BCL2: variants seen among roughly 807,000 people sequenced by gnomAD.
BCL2 encodes the protein apoptosis regulator Bcl-2.
A neutral mutation model predicts 14.2 loss-of-function variants in BCL2; 1 was observed. The observed-to-expected ratio is 0.07, with a 90% CI of 0.02 to 0.33. The LOEUF (loss-of-function observed/expected upper bound fraction) is 0.33, where lower values mean the gene tolerates loss of function less well. BCL2 is among the 10% of genes least tolerant of loss of function. The pLI is 0.99. For missense variants in BCL2, 247 were observed against 305.9 expected (o/e 0.81, Z 1.44); for synonymous variants, 151 against 137.2 (o/e 1.10, Z -0.70).
chr18:63,131,565 G>A (rs769958429), intron 2 of BCL2, among the ~76,000 whole-genome samples: 2 of 152,166 alleles, frequency 1.3e-5, no homozygotes, highest in African/African-American at 2.4e-5. Flanking sequence ...TCACAGACAC[G>A]GCTGCAAATG....
At chr18:63,299,979 T>C (rs1912914108) in intron 2 of BCL2, among the ~76,000 whole-genome samples, 1 of 152,032 alleles carries the variant, frequency 6.6e-6, no homozygotes, top group Non-Finnish European at 1.5e-5. Flanking sequence ...AGGCCAGAGA[T>C]CATGTCCAGA....
intron 2 of BCL2, among the ~76,000 whole-genome samples, chr18:63,221,551 CT>C (rs1910391866): frequency 6.6e-6 from 1 of 152,222 alleles, no homozygotes; most frequent in East Asian, 1.9e-4. Flanking sequence ...AAGTTTCAGA[CT>C]CTCGCAAATG....
intron 2 of BCL2, among the ~76,000 whole-genome samples, chr18:63,266,635 T>TCACACACACA (rs1291334380): frequency 7.3e-6 from 1 of 136,570 alleles, no homozygotes; most frequent in African/African-American, 2.7e-5. Flanking sequence ...TCTCTCTCTC[T>TCACACACACA]CTCACACACA....
At chr18:63,193,659 C>CAT (rs1199937260) in intron 2 of BCL2, among the ~76,000 whole-genome samples, 1 of 150,978 alleles carries the variant, frequency 6.6e-6, no homozygotes, top group South Asian at 2.1e-4. Flanking sequence ...TATACACATA[C>CAT]ATATATATAC....
chr18:63,214,299 G>A (rs767525005), intron 2 of BCL2, among the ~76,000 whole-genome samples: 1 of 152,194 alleles, frequency 6.6e-6, no homozygotes, highest in Non-Finnish European at 1.5e-5. Flanking sequence ...ATTGGACTGT[G>A]CCACCATCTC....
At chr18:63,143,604 A>AGAAGG (rs1475436368) in intron 2 of BCL2, among the ~76,000 whole-genome samples, 3 of 152,266 alleles carry the variant, frequency 2.0e-5, no homozygotes, top group Non-Finnish European at 4.4e-5. Context: ...CCCTGCCTGC[A>AGAAGG]GAAGGGATGC....
chr18:63,198,724 G>GAC (rs1304897747), intron 2 of BCL2, among the ~76,000 whole-genome samples: 2 of 94,438 alleles, frequency 2.1e-5, no homozygotes, highest in East Asian at 3.3e-4. Context: ...CACACACACA[G>GAC]ACACACACAG....
intron 2 of BCL2, among the ~76,000 whole-genome samples, chr18:63,271,814 A>G (rs913639680): frequency 2.6e-5 from 4 of 152,226 alleles, no homozygotes; most frequent in Non-Finnish European, 5.9e-5. Context: ...CTGGAGGTTT[A>G]TGCTTTAACA....
chr18:63,219,901 C>T (rs527558335), intron 2 of BCL2, among the ~76,000 whole-genome samples: 8 of 152,300 alleles, frequency 5.3e-5, no homozygotes, highest in East Asian at 3.9e-4. Flanking sequence ...AATATACTAG[C>T]GGTAAAATCC....
At chr18:63,236,171 G>T (rs1188726187) in intron 2 of BCL2, among the ~76,000 whole-genome samples, 1 of 152,152 alleles carries the variant, frequency 6.6e-6, no homozygotes, top group Non-Finnish European at 1.5e-5. Flanking sequence ...ACGTGCCTTT[G>T]CTCCTCCTTC....
chr18:63,139,139 A>G (rs4987831), intron 2 of BCL2, among the ~76,000 whole-genome samples: 80,479 of 151,938 alleles, frequency 0.53, 21,455 homozygotes, highest in East Asian at 0.63. Context: ...GAAGCACAGA[A>G]CCAAGTTCCC....
chr18:63,141,069 C>A (rs1322844442), intron 2 of BCL2, among the ~76,000 whole-genome samples: 2 of 152,004 alleles, frequency 1.3e-5, no homozygotes, highest in South Asian at 4.1e-4. Context: ...GAGCAGCAAT[C>A]GGGGCACTCC....
At chr18:63,154,041 A>G (rs1914714901) in intron 2 of BCL2, among the ~76,000 whole-genome samples, 1 of 152,208 alleles carries the variant, frequency 6.6e-6, no homozygotes, top group Non-Finnish European at 1.5e-5. Flanking sequence ...ACAGATCTGC[A>G]TATCCATCAG....
intron 2 of BCL2, among the ~76,000 whole-genome samples, chr18:63,275,817 G>A (rs1599284947): frequency 1.3e-5 from 2 of 152,226 alleles, no homozygotes; most frequent in African/African-American, 4.8e-5. Flanking sequence ...ACGTGGTGGA[G>A]GGGGTTACCT....
chr18:63,124,470 A>G lies in BCL2; in HGVS notation c.*4155T>C. ...CTTCAAAATGTTTCTCATTTGTCAC[A>G]CAAGGTTCTTCGCAGAGGCATCACA... On this transcript the variant is annotated 3_prime_UTR_variant, in exon 3 of 3. Coordinates refer to ENST00000333681, the MANE Select transcript of BCL2 (RefSeq NM_000633.3). 4.3e-6 allele frequency: 1 copy of G among 231,778 alleles called. No homozygotes were observed. Among genetic ancestry groups the G allele is most frequent in the South Asian group, 1.8e-4 (1 of 5,522 alleles). 14.4% of individuals were successfully genotyped at this position (231,778 alleles called of 1,614,324 possible). A position where few individuals can be genotyped will look rare whatever the true frequency, so the allele number is the denominator to read the frequency against.
chr18:63,145,550 GC>G (rs1449768290), intron 2 of BCL2, among the ~76,000 whole-genome samples: 1 of 152,194 alleles, frequency 6.6e-6, no homozygotes, highest in African/African-American at 2.4e-5. Context: ...TTTAACAAAG[GC>G]AGATACCTTT....
At chr18:63,144,056 G>A (rs1223623698) in intron 2 of BCL2, among the ~76,000 whole-genome samples, 1 of 152,196 alleles carries the variant, frequency 6.6e-6, no homozygotes, top group African/African-American at 2.4e-5. Flanking sequence ...GGCTTCAAGA[G>A]AAATTTTAGG....
chr18:63,157,771 C>A (rs1914819837), intron 2 of BCL2, among the ~76,000 whole-genome samples: 1 of 152,142 alleles, frequency 6.6e-6, no homozygotes, highest in Admixed American at 6.5e-5. Context: ...CTGAAATAGG[C>A]CCATGTGCAC....
chr18:63,233,146 G>T (rs774064771), intron 2 of BCL2, among the ~76,000 whole-genome samples: 17 of 152,084 alleles, frequency 1.1e-4, no homozygotes, highest in Non-Finnish European at 2.2e-4. Flanking sequence ...CACTCATGAG[G>T]GCTCTACCCT....
Sources: allele counts gnomAD v4.1 joint callset (sites outside exome capture counted in the v4.1 genomes callset), GRCh38; gene constraint gnomAD v4.1.1; transcripts MANE v1.5; gene names NCBI Gene and HGNC (gene_info 2026-07-23, HGNC 2026-07-21).